The following KHDRBS2 variants were observed in gnomAD, a reference collection of about 807,000 sequenced individuals.
KHDRBS2 encodes KH domain-containing, RNA-binding, signal transduction-associated protein 2.
A neutral mutation model predicts 44.3 loss-of-function variants in KHDRBS2; 26 were observed. That is an observed-to-expected ratio of 0.59 (90% CI 0.43 to 0.81). The LOEUF (loss-of-function observed/expected upper bound fraction) is 0.81, where lower values mean the gene tolerates loss of function less well. Among genes scored for constraint, KHDRBS2 ranks in the 40% least tolerant of loss-of-function variants. KHDRBS2 has a pLI of 0.00. For missense variants in KHDRBS2, 476 were observed against 433.1 expected, an observed-to-expected ratio of 1.10 and a Z score of -0.88; for synonymous variants, 194 against 151.1, an observed-to-expected ratio of 1.28 and a Z score of -2.08.
intron 6 of KHDRBS2, among the ~76,000 whole-genome samples, chr6:61,838,399 G>GCCATATC (rs1793057486): frequency 6.6e-6 from 1 of 151,864 alleles, no homozygotes; most frequent in South Asian, 2.1e-4. Flanking sequence ...TCAAAATGAA[G>GCCATATC]AACACGCTAA....
At chr6:61,964,158 A>C (rs1769377500) in intron 4 of KHDRBS2, among the ~76,000 whole-genome samples, 1 of 152,102 alleles carries the variant, frequency 6.6e-6, no homozygotes, top group South Asian at 2.1e-4. Context: ...GCATGAAGCC[A>C]AGATTTATCA....
intron 2 of KHDRBS2, among the ~76,000 whole-genome samples, chr6:62,126,981 T>G (rs1809126110): frequency 6.6e-6 from 1 of 152,192 alleles, no homozygotes; most frequent in African/African-American, 2.4e-5. Context: ...AAATCAGGCT[T>G]CCTATGGCTG....
chr6:61,544,135 T>C, the KHDRBS2 span, among the ~76,000 whole-genome samples: 2 of 152,144 alleles, frequency 1.3e-5, no homozygotes, highest in Non-Finnish European at 2.9e-5. Context: ...CTGCAAAGTA[T>C]AAATGCTTGA....
At chr6:62,265,223 G>T (rs1049638894) in intron 1 of KHDRBS2, among the ~76,000 whole-genome samples, 1 of 151,916 alleles carries the variant, frequency 6.6e-6, no homozygotes. Flanking sequence ...TGAGCTATTT[G>T]ATCTTGTTCA....
At chr6:62,080,712 G>T (rs778284233) in intron 2 of KHDRBS2, among the ~76,000 whole-genome samples, 8 of 152,062 alleles carry the variant, frequency 5.3e-5, no homozygotes, top group East Asian at 1.9e-4. Context: ...GAGCTTCTCT[G>T]TGAAGTCTGT....
intron 1 of KHDRBS2, among the ~76,000 whole-genome samples, chr6:62,253,257 T>C (rs1836836806): frequency 6.6e-6 from 1 of 152,044 alleles, no homozygotes; most frequent in Admixed American, 6.6e-5. Flanking sequence ...AAGATTGTCT[T>C]ACATTTTAAT....
At position 61,876,909 on chromosome 6, in the gene KHDRBS2, G is replaced by A. The variant is rs62414714; in HGVS notation, c.810+17726C>T. On this transcript the variant is annotated intron_variant, in intron 6 of 8. Coordinates refer to ENST00000281156, the MANE Select transcript of KHDRBS2 (RefSeq NM_152688.4). ...GCCGAAATATGTTCCTTGTAAATTT[G>A]ATTCTGATATCTGTCATGAGACCCA... Among the ~76,000 whole-genome samples, 952 of 152,102 alleles carry A rather than the reference G, an allele frequency of 6.3e-3. 7 individuals are homozygous for A. The highest frequency in any genetic ancestry group is 0.024 in the Middle Eastern group (7 of 294).
rs1562490788 is a variant in KHDRBS2 at position 61,945,133 on chromosome 6, A to ATG, written c.483+32932_483+32933insCA. 1.6e-3 allele frequency among the ~76,000 whole-genome samples: 162 copies of ATG among 98,262 alleles called. 8 individuals carry two copies. The highest frequency in any genetic ancestry group is 6.3e-3 in the African/African-American group (158 of 25,166). 64.5% of individuals were successfully genotyped at this position (98,262 alleles called of 152,430 possible). A position where few individuals can be genotyped will look rare whatever the true frequency, so the allele number is the denominator to read the frequency against. On this transcript the variant is annotated intron_variant, in intron 4 of 8. Transcript: ENST00000281156. ...AAAAAGTATATATATATATATATAT[A>ATG]TATATATATATATATATACACACAG...
At position 61,945,132 on chromosome 6, in the gene KHDRBS2, T is replaced by TAC. The variant is rs1326484153; in HGVS notation, c.483+32933_483+32934insGT. The stretch of plus-strand genomic sequence containing the variant: ...AAAAAAGTATATATATATATATATA[T>TAC]ATATATATATATATATATACACACA... On this transcript the variant is annotated intron_variant, in intron 4 of 8. Coordinates refer to ENST00000281156, the MANE Select transcript of KHDRBS2 (RefSeq NM_152688.4). 1.3e-3 allele frequency among the ~76,000 whole-genome samples: 132 copies of TAC among 98,110 alleles called. 8 individuals carry two copies. The highest frequency in any genetic ancestry group is 4.8e-3 in the African/African-American group (126 of 26,250). The allele number at this position is 98,110 out of a possible 152,430, so 64.4% of individuals were successfully genotyped here.
intron 6 of KHDRBS2, among the ~76,000 whole-genome samples, chr6:61,889,280 T>C (rs1428109404): frequency 6.6e-6 from 1 of 152,186 alleles, no homozygotes; most frequent in East Asian, 1.9e-4. Context: ...TTTGTAAAAT[T>C]ACACAGGTAG....
chr6:61,892,689 C>G lies in KHDRBS2; in HGVS notation c.810+1946G>C, dbSNP rs1026762109. Among the ~76,000 whole-genome samples the G allele has an allele frequency of 5.7e-3, 866 of 152,102 alleles. 8 individuals are homozygous for G. The highest frequency in any genetic ancestry group is 0.049 in the South Asian group (237 of 4,820). On this transcript the variant is annotated intron_variant, in intron 6 of 8. Transcript: ENST00000281156. ...TTTAATAAATGGTGCTGGGAAAACT[C>G]GCTAGCCATATGTAGAAAGCTGAAA...
chr6:61,598,203 C>T, the KHDRBS2 span, among the ~76,000 whole-genome samples: 15 of 151,054 alleles, frequency 9.9e-5, no homozygotes, highest in African/African-American at 3.6e-4. Context: ...ATATAGGAAA[C>T]AAGATAAATT....
At chr6:62,092,834 A>G (rs1318646439) in intron 2 of KHDRBS2, among the ~76,000 whole-genome samples, 1 of 152,136 alleles carries the variant, frequency 6.6e-6, no homozygotes, top group Non-Finnish European at 1.5e-5. Context: ...AAGCCATATG[A>G]ATCCTGGATA....
the KHDRBS2 span, among the ~76,000 whole-genome samples, chr6:61,561,764 G>A: frequency 2.6e-5 from 4 of 152,154 alleles, no homozygotes; most frequent in Admixed American, 1.3e-4. Flanking sequence ...CTCTGGCCCA[G>A]GATAGGTCCA....
intron 4 of KHDRBS2, among the ~76,000 whole-genome samples, chr6:61,918,331 C>A (rs1046807661): frequency 1.3e-5 from 2 of 151,886 alleles, no homozygotes; most frequent in Non-Finnish European, 2.9e-5. Flanking sequence ...TTATAAGGGA[C>A]TATGCTATTG....
intron 6 of KHDRBS2, among the ~76,000 whole-genome samples, chr6:61,854,242 A>G (rs2127288338): frequency 6.6e-6 from 1 of 151,996 alleles, no homozygotes; most frequent in South Asian, 2.1e-4. Context: ...AACATCTTTG[A>G]CTTGTATTAT....
intron 6 of KHDRBS2, among the ~76,000 whole-genome samples, chr6:61,821,684 G>GT (rs943325610): frequency 2.1e-4 from 32 of 151,290 alleles, no homozygotes; most frequent in African/African-American, 3.4e-4. Context: ...CTGCAATAAA[G>GT]TTTTTTTTTC....
At chr6:61,544,257 G>A in the KHDRBS2 span, among the ~76,000 whole-genome samples, 2 of 151,814 alleles carry the variant, frequency 1.3e-5, no homozygotes, top group African/African-American at 4.8e-5. Flanking sequence ...TAAATAAAAA[G>A]TATAAGTTTT....
intron 2 of KHDRBS2, among the ~76,000 whole-genome samples, chr6:62,125,061 A>G (rs1808632979): frequency 6.6e-6 from 1 of 152,128 alleles, no homozygotes; most frequent in South Asian, 2.1e-4. Context: ...CATGTCCTTT[A>G]CGCACTTATT....
Sources: allele counts gnomAD v4.1 joint callset (sites outside exome capture counted in the v4.1 genomes callset), GRCh38; gene constraint gnomAD v4.1.1; transcripts MANE v1.5; gene names NCBI Gene and HGNC (gene_info 2026-07-23, HGNC 2026-07-21).